TRNAU1AP: variants seen among roughly 807,000 people sequenced by gnomAD.
The protein encoded by TRNAU1AP is tRNA selenocysteine 1 associated protein 1.
TRNAU1AP carries 33 observed loss-of-function variants against 43.3 expected under a neutral mutation model. The ratio of observed to expected loss-of-function variants is 0.76; its 90% CI spans 0.58 to 1.02. The LOEUF is 1.02. Ranked by LOEUF, TRNAU1AP falls within the 50% of genes least tolerant of loss-of-function variation. The probability of loss-of-function intolerance (pLI) is 0.00; values close to 1 mark genes in which losing one functional copy is unlikely to be tolerated. For missense variants in TRNAU1AP, 290 were observed against 362.7 expected (o/e 0.80, Z 1.63); for synonymous variants, 143 against 129.1 (o/e 1.11, Z -0.73).
intron 2 of TRNAU1AP, chr1:28,554,093 G>A (rs965754363): frequency 1.1e-5 from 2 of 174,410 alleles, no homozygotes; most frequent in African/African-American, 4.7e-5. Context: ...AGCTACTCCG[G>A]AGGCTGAGGC....
At chr1:28,571,970 CA>C in intron 8 of TRNAU1AP, 70 bp downstream of exon 8, 1 of 1,323,102 alleles carries the variant, frequency 7.6e-7, no homozygotes, top group Non-Finnish European at 1.1e-6. Flanking sequence ...ACTGTGCTCT[CA>C]GCTAGAGGGA....
chr1:28,555,040 C>A (rs1665228061), intron 2 of TRNAU1AP, among the ~76,000 whole-genome samples: 1 of 151,678 alleles, frequency 6.6e-6, no homozygotes, highest in South Asian at 2.1e-4. Flanking sequence ...GAGTTGGAGA[C>A]CAGCCTGACC....
At chr1:28,555,559 G>A (rs1267549116) in intron 2 of TRNAU1AP, among the ~76,000 whole-genome samples, 1 of 147,574 alleles carries the variant, frequency 6.8e-6, no homozygotes, top group African/African-American at 2.5e-5. Context: ...GTGCAGTGGC[G>A]CGATCTTGGC....
intron 5 of TRNAU1AP, 83 bp from the exon 6 acceptor site, chr1:28,567,208 CCTT>C (rs1414095285): frequency 2.7e-6 from 4 of 1,462,322 alleles, no homozygotes; most frequent in Non-Finnish European, 3.8e-6. Flanking sequence ...TTCCTGCCCA[CCTT>C]CTTATCCTTA....
At position 28,567,291 on chromosome 1, in the gene TRNAU1AP, C is replaced by T. The variant is rs746165916; in HGVS notation, c.411-3C>T. ...ATCTAAATTGTATATTTTTTTCATGCAGGGGTTATGGTTTTGTGAAATTCA... is the reference window on the plus strand; with the variant it reads ...ATCTAAATTGTATATTTTTTTCATGTAGGGGTTATGGTTTTGTGAAATTCA... On this transcript the variant is annotated splice_polypyrimidine_tract_variant and splice_region_variant and intron_variant, in intron 5 of 8. Coordinates refer to ENST00000373830, the MANE Select transcript of TRNAU1AP (RefSeq NM_017846.5). 14 of 1,608,446 alleles carry T rather than the reference C, an allele frequency of 8.7e-6. No individual in the cohort carries two copies. Among genetic ancestry groups the T allele is most frequent in the Middle Eastern group, 1.6e-4 (1 of 6,072 alleles).
chr1:28,568,707 C>G (rs1389875428), intron 6 of TRNAU1AP, among the ~76,000 whole-genome samples: 1 of 152,074 alleles, frequency 6.6e-6, no homozygotes, highest in Non-Finnish European at 1.5e-5. Flanking sequence ...TAGTGGGTAT[C>G]GGCCAAGGAT....
chr1:28,556,203 T>TG (rs1445357615), intron 2 of TRNAU1AP, among the ~76,000 whole-genome samples: 2 of 151,798 alleles, frequency 1.3e-5, no homozygotes, highest in African/African-American at 4.8e-5. Context: ...AGCTCACACT[T>TG]GTAATCCCAG....
rs1014167388 is a variant in TRNAU1AP, at chr1:28,553,679, T to A, written c.67T>A (p.Phe23Ile). Residue 23 changes from phenylalanine (F) to isoleucine (I), a missense_variant, in exon 2 of 9, where the codon TTT becomes ATT. Phe to Ile is a conservative substitution (Grantham distance 21, BLOSUM62 0). Transcript: ENST00000373830. ...GGATGAGAACTTCATCTCCAGAGCC[T>A]TTGCCACCATGGGGGAGACCGTAAT... The part of the protein sequence containing the change: ...YMDENFISRA[F>I]ATMGETVMSV... 3.1e-6 allele frequency: 5 copies of A among 1,613,974 alleles called. No individual in the cohort carries two copies. The highest frequency in any genetic ancestry group is 4.2e-6 in the Non-Finnish European group (5 of 1,180,018).
At chr1:28,573,472 C>G (rs1029287405) in intron 8 of TRNAU1AP, among the ~76,000 whole-genome samples, 1 of 151,480 alleles carries the variant, frequency 6.6e-6, no homozygotes, top group Non-Finnish European at 1.5e-5. Context: ...AACCCCGTCT[C>G]TACTAAAAAT....
At chr1:28,558,816 C>T (rs951846379) in intron 2 of TRNAU1AP, among the ~76,000 whole-genome samples, 3 of 151,950 alleles carry the variant, frequency 2.0e-5, no homozygotes, top group South Asian at 2.1e-4. Flanking sequence ...CCGCCCGCCT[C>T]GGCCTCCCAA....
intron 1 of TRNAU1AP, chr1:28,553,390 A>G (rs983516433): frequency 1.3e-5 from 8 of 626,700 alleles, no homozygotes; most frequent in Admixed American, 5.9e-5. Flanking sequence ...AATGGGAGCA[A>G]TCCAAGGACT....
chr1:28,571,316 G>C lies in TRNAU1AP; in HGVS notation c.671G>C (p.Gly224Ala), dbSNP rs1315986981. The C allele has an allele frequency of 1.2e-6, 2 of 1,613,782 alleles. No individual in the cohort carries two copies. Among genetic ancestry groups the C allele is most frequent in the Non-Finnish European group, 1.7e-6 (2 of 1,179,892 alleles). Residue 224 changes from glycine to alanine, a missense_variant, in exon 7 of 9, where the codon GGC becomes GCC. Coordinates refer to ENST00000373830, the MANE Select transcript of TRNAU1AP (RefSeq NM_017846.5). Reference protein sequence around the residue: ...GSYSYSYPQYGYTQSTMQTYE... With the variant: ...GSYSYSYPQYAYTQSTMQTYE... ...TACAGCTACAGTTACCCCCAGTATG[G>C]CTATACCCAGAGCACCATGCAGGTA... is the stretch of plus-strand genomic sequence containing the variant.
intron 7 of TRNAU1AP, among the ~76,000 whole-genome samples, chr1:28,571,655 C>T (rs571936582): frequency 1.3e-5 from 2 of 151,854 alleles, no homozygotes; most frequent in Non-Finnish European, 2.9e-5. Flanking sequence ...TAGTGGCAGG[C>T]GCCTATAATC....
rs570311709 is a variant in TRNAU1AP at position 28,562,670 on chromosome 1, T to C, written c.278+1272T>C. ...ATCTCTGCTCACTGCAAGCTCCGCC[T>C]CCCGGGTTCATGCCGTTCTCCTGCC... On this transcript the variant is annotated intron_variant, in intron 4 of 8. Transcript: ENST00000373830. Among the ~76,000 whole-genome samples, 4 of 150,716 alleles carry C rather than the reference T, an allele frequency of 2.7e-5. No individual in the cohort carries two copies. In the East Asian group the frequency reaches 7.8e-4, roughly 30 times the overall value.
chr1:28,569,121 G>A (rs1056023084), intron 6 of TRNAU1AP, among the ~76,000 whole-genome samples: 1 of 152,074 alleles, frequency 6.6e-6, no homozygotes, highest in African/African-American at 2.4e-5. Flanking sequence ...AAATAGCCAT[G>A]TTTTTGAAAG....
intron 8 of TRNAU1AP, among the ~76,000 whole-genome samples, chr1:28,573,493 C>A (rs1416260527): frequency 2.0e-5 from 3 of 151,868 alleles, no homozygotes; most frequent in African/African-American, 4.8e-5. Flanking sequence ...AAAAAAATTG[C>A]CAGGCGCGGT....
intron 6 of TRNAU1AP, among the ~76,000 whole-genome samples, chr1:28,570,482 A>G (rs1255661282): frequency 3.3e-5 from 5 of 151,654 alleles, no homozygotes; most frequent in African/African-American, 9.7e-5. Context: ...TCCTGACCTC[A>G]GGTGACCCAC....
At chr1:28,562,596 T>G (rs950536640) in intron 4 of TRNAU1AP, among the ~76,000 whole-genome samples, 1 of 151,892 alleles carries the variant, frequency 6.6e-6, no homozygotes, top group Non-Finnish European at 1.5e-5. Flanking sequence ...TTTTTTTTTT[T>G]TGGAGACGGA....
At chr1:28,574,077 C>CTTTT (rs1178078009) in intron 8 of TRNAU1AP, among the ~76,000 whole-genome samples, 4 of 124,136 alleles carry the variant, frequency 3.2e-5, no homozygotes, top group Admixed American at 8.4e-5. Flanking sequence ...GACCCCATCT[C>CTTTT]TTTTTTTTTT....
Sources: gnomAD v4.1 joint callset for allele counts (sites outside exome capture counted in the v4.1 genomes callset) on GRCh38, gnomAD v4.1.1 for gene constraint, MANE v1.5 for transcripts, NCBI Gene and HGNC (gene_info 2026-07-23, HGNC 2026-07-21) for gene names.